GNAQ: variants seen among roughly 807,000 people sequenced by gnomAD.
GNAQ encodes guanine nucleotide-binding protein G(q) subunit alpha.
A neutral mutation model predicts 43.9 loss-of-function variants in GNAQ; 8 were observed. The ratio of observed to expected loss-of-function variants is 0.18; its 90% CI spans 0.11 to 0.33. The LOEUF is 0.33. GNAQ is among the 10% of genes least tolerant of loss of function. GNAQ has a pLI of 1.00. For missense variants in GNAQ, 158 were observed against 450.8 expected, an observed-to-expected ratio of 0.35 and a Z score of 5.88; for synonymous variants, 155 against 170.7, an observed-to-expected ratio of 0.91 and a Z score of 0.71.
chr9:77,764,821 C>T (rs1403634738), intron 5 of GNAQ, among the ~76,000 whole-genome samples: 1 of 152,142 alleles, frequency 6.6e-6, no homozygotes, highest in Admixed American at 6.5e-5. Context: ...GAATAAAACC[C>T]CTGCATCAAA....
intron 2 of GNAQ, among the ~76,000 whole-genome samples, chr9:77,841,160 C>T (rs199575942): frequency 1.3e-5 from 2 of 152,146 alleles, no homozygotes; most frequent in Admixed American, 6.5e-5. Context: ...AAAGAATTTT[C>T]GTAATATTTT....
intron 1 of GNAQ, among the ~76,000 whole-genome samples, chr9:78,005,218 G>C (rs1014641463): frequency 6.6e-6 from 1 of 152,062 alleles, no homozygotes; most frequent in Admixed American, 6.5e-5. Context: ...GCTAATTTTT[G>C]TATTATTTGT....
At chr9:77,749,544 C>A (rs1219832985) in intron 5 of GNAQ, among the ~76,000 whole-genome samples, 1 of 152,162 alleles carries the variant, frequency 6.6e-6, no homozygotes, top group Non-Finnish European at 1.5e-5. Flanking sequence ...AAATAATATA[C>A]TAAATGCATA....
At chr9:77,976,373 G>C (rs887654157) in intron 1 of GNAQ, among the ~76,000 whole-genome samples, 1 of 151,584 alleles carries the variant, frequency 6.6e-6, no homozygotes, top group African/African-American at 2.4e-5. Context: ...TTGTTTTTTG[G>C]TTTTTGGTTT....
In GNAQ at chr9:77,996,085, G is replaced by A. The variant is rs562652477; in HGVS notation, c.136+35015C>T. ...ACAGAATCAGGAACCCACACAAAAC[G>A]GCACCATTCAGAGGAGCAGAGTACA... On this transcript the variant is annotated intron_variant, in intron 1 of 6. Transcript: ENST00000286548. Among the ~76,000 whole-genome samples the A allele has an allele frequency of 5.3e-5, 8 of 152,138 alleles. No homozygotes were observed. The East Asian group carries it at 9.7e-4, about 18-fold the overall frequency.
intron 5 of GNAQ, among the ~76,000 whole-genome samples, chr9:77,731,686 G>C (rs976674357): frequency 9.9e-5 from 15 of 152,164 alleles, no homozygotes; most frequent in African/African-American, 3.6e-4. Context: ...ATCACATGGG[G>C]TCGTCTTAAA....
intron 1 of GNAQ, among the ~76,000 whole-genome samples, chr9:77,981,995 T>G (rs1176349842): frequency 6.6e-6 from 1 of 152,204 alleles, no homozygotes; most frequent in East Asian, 1.9e-4. Flanking sequence ...TTTAGGTTCC[T>G]GAGGTAGAAA....
intron 1 of GNAQ, among the ~76,000 whole-genome samples, chr9:77,957,040 T>C (rs1012021387): frequency 6.6e-6 from 1 of 152,084 alleles, no homozygotes; most frequent in Non-Finnish European, 1.5e-5. Context: ...AACAGAATGA[T>C]AGAAATAAAT....
chr9:77,744,643 G>C (rs1825704032), intron 5 of GNAQ, among the ~76,000 whole-genome samples: 1 of 152,056 alleles, frequency 6.6e-6, no homozygotes, highest in Admixed American at 6.5e-5. Context: ...GGTGGGTAGA[G>C]GATTATGAAG....
chr9:77,728,249 T>A (rs766228228), intron 6 of GNAQ, among the ~76,000 whole-genome samples: 10 of 152,216 alleles, frequency 6.6e-5, no homozygotes, highest in Non-Finnish European at 2.9e-5. Context: ...TGCCTCGGCC[T>A]CCCAAAGTGC....
chr9:77,849,326 T>C (rs547603385), intron 2 of GNAQ, among the ~76,000 whole-genome samples: 1 of 152,196 alleles, frequency 6.6e-6, no homozygotes, highest in Non-Finnish European at 1.5e-5. Flanking sequence ...AGTTTTTTTT[T>C]ATTTTACCAG....
chr9:77,809,018 T>C (rs1436907842), intron 3 of GNAQ, among the ~76,000 whole-genome samples: 2 of 152,222 alleles, frequency 1.3e-5, no homozygotes, highest in Non-Finnish European at 2.9e-5. Context: ...CAAGAAGGAC[T>C]GGCCCTAAGT....
At chr9:77,761,276 G>A (rs1826011098) in intron 5 of GNAQ, among the ~76,000 whole-genome samples, 1 of 121,554 alleles carries the variant, frequency 8.2e-6, no homozygotes. Context: ...AGGGAGGTGG[G>A]GGGGTCAGCC....
intron 5 of GNAQ, among the ~76,000 whole-genome samples, chr9:77,788,137 CAG>C (rs1167478657): frequency 2.0e-5 from 3 of 152,044 alleles, no homozygotes; most frequent in Admixed American, 6.5e-5. Flanking sequence ...ATATGTGTAA[CAG>C]TATTTCCAGA....
At chr9:77,962,911 A>C (rs1196573621) in intron 1 of GNAQ, among the ~76,000 whole-genome samples, 3 of 151,826 alleles carry the variant, frequency 2.0e-5, no homozygotes, top group Non-Finnish European at 4.4e-5. Context: ...AAAAAAAAAA[A>C]AAAACAGTGC....
At chr9:77,825,774 A>C (rs1259855713) in intron 2 of GNAQ, among the ~76,000 whole-genome samples, 1 of 152,220 alleles carries the variant, frequency 6.6e-6, no homozygotes, top group African/African-American at 2.4e-5. Flanking sequence ...AAAAATAAAA[A>C]AACTGGAATA....
At chr9:77,829,004 AT>A (rs1388874243) in intron 2 of GNAQ, among the ~76,000 whole-genome samples, 2 of 152,210 alleles carry the variant, frequency 1.3e-5, no homozygotes, top group Non-Finnish European at 2.9e-5. Flanking sequence ...TTTCCTCGTC[AT>A]GCCTCACATC....
intron 1 of GNAQ, among the ~76,000 whole-genome samples, chr9:77,951,789 G>C (rs974602162): frequency 1.4e-4 from 21 of 152,154 alleles, no homozygotes; most frequent in African/African-American, 5.1e-4. Context: ...ATCTCGATGA[G>C]TTATCAGATC....
intron 3 of GNAQ, among the ~76,000 whole-genome samples, chr9:77,801,265 C>T (rs946024278): frequency 6.6e-6 from 1 of 152,108 alleles, no homozygotes; most frequent in Non-Finnish European, 1.5e-5. Flanking sequence ...TTAGAGGATA[C>T]CCTAAAAAAA....
Sources: gnomAD v4.1 joint callset for allele counts (sites outside exome capture counted in the v4.1 genomes callset) on GRCh38, gnomAD v4.1.1 for gene constraint, MANE v1.5 for transcripts, NCBI Gene and HGNC (gene_info 2026-07-23, HGNC 2026-07-21) for gene names.